The following FAR2 variants were observed in gnomAD, a reference collection of about 807,000 sequenced individuals.
FAR2 encodes epididymis secretory protein Li 81.
In FAR2, 19 loss-of-function variants were observed where a neutral mutation model predicts 56.0. The ratio of observed to expected loss-of-function variants is 0.34; its 90% CI spans 0.24 to 0.50. The LOEUF (loss-of-function observed/expected upper bound fraction) is 0.50. Ranked by LOEUF, FAR2 falls within the 20% of genes least tolerant of loss-of-function variation. The probability of loss-of-function intolerance (pLI) is 0.98; values close to 1 mark genes in which losing one functional copy is unlikely to be tolerated. For synonymous variants in FAR2, 219 were observed against 218.8 expected (o/e 1.00, Z -0.01); for missense variants, 508 against 642.2 (o/e 0.79, Z 2.26).
chr12:29,240,649 G>A (rs1464829214), intron 1 of FAR2, among the ~76,000 whole-genome samples: 1 of 152,052 alleles, frequency 6.6e-6, no homozygotes, highest in Admixed American at 6.6e-5. Flanking sequence ...AATGTAGTCA[G>A]GCAGCGTTTA....
chr12:29,226,448 A>T (rs1392091558), intron 1 of FAR2, among the ~76,000 whole-genome samples: 1 of 152,222 alleles, frequency 6.6e-6, no homozygotes, highest in Non-Finnish European at 1.5e-5. Flanking sequence ...CTTTGTTAAT[A>T]AAGTACCTCT....
At position 29,227,718 on chromosome 12, in the gene FAR2, A is replaced by C. The variant is rs143414751; in HGVS notation, c.-38-42694A>C. The stretch of plus-strand genomic sequence containing the variant: ...TAAGAGATAAGAAAATGTCGGTAAA[A>C]GCAGCATTCTCTTGACTGCAGGAAA... On this transcript the variant is annotated intron_variant, in intron 1 of 11. Transcript: ENST00000536681. Among the ~76,000 whole-genome samples the C allele has an allele frequency of 5.0e-4, 76 of 152,316 alleles. No homozygotes were observed. The Middle Eastern group carries it at 0.014, about 27-fold the overall frequency.
At chr12:29,244,905 C>T (rs1305369185) in intron 1 of FAR2, among the ~76,000 whole-genome samples, 5 of 152,056 alleles carry the variant, frequency 3.3e-5, no homozygotes, top group African/African-American at 1.2e-4. Context: ...AGCACATTGT[C>T]CTTCCAGTGT....
intron 1 of FAR2, chr12:29,157,104 TTTTA>T (rs1391776626): frequency 1.5e-4 from 8 of 53,694 alleles, no homozygotes; most frequent in African/African-American, 5.2e-4. Flanking sequence ...GCAAAGAACA[TTTTA>T]TATATATATA....
chr12:29,250,196 A>C (rs1717264874), intron 1 of FAR2, among the ~76,000 whole-genome samples: 1 of 127,002 alleles, frequency 7.9e-6, no homozygotes, highest in South Asian at 2.4e-4. Flanking sequence ...TCAGGGTAAC[A>C]AGATGTGTCT....
intron 1 of FAR2, among the ~76,000 whole-genome samples, chr12:29,152,991 G>C (rs936644389): frequency 6.6e-6 from 1 of 152,184 alleles, no homozygotes; most frequent in Middle Eastern, 3.2e-3. Flanking sequence ...TGCAGCTGAA[G>C]TTTTATGTAA....
chr12:29,205,959 T>C (rs1177128407), intron 1 of FAR2, among the ~76,000 whole-genome samples: 2 of 152,194 alleles, frequency 1.3e-5, no homozygotes, highest in Non-Finnish European at 2.9e-5. Context: ...CTAGGAATTA[T>C]GTCTTAATGG....
chr12:29,299,661 T>C (rs1949128900), intron 4 of FAR2, among the ~76,000 whole-genome samples: 1 of 152,186 alleles, frequency 6.6e-6, no homozygotes, highest in Admixed American at 6.5e-5. Context: ...TACTTATTAT[T>C]TGCTAATTCA....
At chr12:29,155,787 A>C (rs1157798050) in intron 1 of FAR2, among the ~76,000 whole-genome samples, 1 of 152,118 alleles carries the variant, frequency 6.6e-6, no homozygotes, top group South Asian at 2.1e-4. Context: ...TTTAAATCCT[A>C]ATATATTTAC....
In FAR2 at chr12:29,217,380, A is replaced by G. The variant is rs538741375; in HGVS notation, c.-38-53032A>G. On this transcript the variant is annotated intron_variant, in intron 1 of 11. Coordinates refer to ENST00000536681, the MANE Select transcript of FAR2 (RefSeq NM_001271783.2). ...TGCAACAGTAAAAACTGAACCCAAA[A>G]CATAGAGCTGATTCTTCCTAGCTGC... is the stretch of plus-strand genomic sequence containing the variant. 2.6e-5 allele frequency among the ~76,000 whole-genome samples: 4 copies of G among 152,320 alleles called. No homozygotes were observed. The South Asian group carries it at 8.3e-4, about 32-fold the overall frequency.
intron 9 of FAR2, among the ~76,000 whole-genome samples, chr12:29,319,399 T>C (rs1949517028): frequency 6.6e-6 from 1 of 152,206 alleles, no homozygotes; most frequent in Non-Finnish European, 1.5e-5. Flanking sequence ...TTTTGTTTTT[T>C]TGATTTGCAT....
intron 1 of FAR2, among the ~76,000 whole-genome samples, chr12:29,245,675 G>A (rs1477674407): frequency 6.6e-6 from 1 of 152,036 alleles, no homozygotes; most frequent in Non-Finnish European, 1.5e-5. Flanking sequence ...TAATTTTATT[G>A]CTCAGAAATA....
At chr12:29,256,727 T>G (rs1184070284) in intron 1 of FAR2, among the ~76,000 whole-genome samples, 3 of 152,118 alleles carry the variant, frequency 2.0e-5, no homozygotes, top group Non-Finnish European at 4.4e-5. Flanking sequence ...TGGCGGGCCC[T>G]GCACTCGGAG....
intron 1 of FAR2, among the ~76,000 whole-genome samples, chr12:29,234,522 A>C (rs12299091): frequency 0.047 from 7,089 of 152,180 alleles, 414 homozygotes; most frequent in African/African-American, 0.13. Context: ...TTAAATTACT[A>C]CACATAGTCT....
chr12:29,155,730 A>G (rs941556199), intron 1 of FAR2, among the ~76,000 whole-genome samples: 1 of 152,196 alleles, frequency 6.6e-6, no homozygotes, highest in African/African-American at 2.4e-5. Context: ...AGTCATCCCT[A>G]TTGGCTATGA....
intron 2 of FAR2, among the ~76,000 whole-genome samples, chr12:29,277,087 C>T (rs902490373): frequency 2.6e-5 from 4 of 152,326 alleles, no homozygotes; most frequent in South Asian, 2.1e-4. Flanking sequence ...AAGCGATTCT[C>T]CTGCCTCAGC....
At chr12:29,270,744 T>A in intron 2 of FAR2, 106 bp downstream of exon 2, 2 of 964,264 alleles carry the variant, frequency 2.1e-6, no homozygotes, top group Non-Finnish European at 1.4e-6. Context: ...CCAGGCTACC[T>A]GCACAGGTAG....
intron 10 of FAR2, among the ~76,000 whole-genome samples, chr12:29,328,982 T>A (rs997917218): frequency 6.6e-6 from 1 of 152,106 alleles, no homozygotes; most frequent in Admixed American, 6.6e-5. Flanking sequence ...CATACCAAAC[T>A]TACTGAGTGT....
intron 10 of FAR2, among the ~76,000 whole-genome samples, chr12:29,328,606 G>A (rs1248310246): frequency 2.0e-5 from 3 of 151,794 alleles, no homozygotes; most frequent in East Asian, 3.9e-4. Context: ...CATGGATGAA[G>A]CTGGAAACCA....
Sources: allele counts gnomAD v4.1 joint callset (sites outside exome capture counted in the v4.1 genomes callset), GRCh38; gene constraint gnomAD v4.1.1; transcripts MANE v1.5; gene names NCBI Gene and HGNC (gene_info 2026-07-23, HGNC 2026-07-21).